Variants in SCN8A observed in about 807,000 individuals in gnomAD.
The protein encoded by SCN8A is sodium channel protein type 8 subunit alpha.
Under a neutral mutation model 184.1 loss-of-function variants are expected in SCN8A, and 30 were observed. The observed-to-expected ratio is 0.16, with a 90% confidence interval of 0.12 to 0.22. The LOEUF is 0.22. Among genes scored for constraint, SCN8A ranks in the 10% least tolerant of loss-of-function variants. SCN8A has a pLI of 1.00. For synonymous variants in SCN8A, 852 were observed against 907.0 expected, an observed-to-expected ratio of 0.94 and a Z score of 1.09; for missense variants, 1,057 against 2,498.9, an observed-to-expected ratio of 0.42 and a Z score of 12.30.
In SCN8A at chr12:51,738,242, G is replaced by A. The variant is rs141470132; in HGVS notation, c.1999-7661G>A. ...TATAATTGTTCTGGAATTAGAACTT[G>A]TGCTCCCCATTGTTGTAATAAATCT... On this transcript the variant is annotated intron_variant, in intron 12 of 26. Coordinates refer to ENST00000627620, the MANE Select transcript of SCN8A (RefSeq NM_001330260.2). Among the ~76,000 whole-genome samples the A allele has an allele frequency of 6.3e-3, 953 of 152,206 alleles. 8 individuals carry two copies. The highest frequency in any genetic ancestry group is 0.02 in the African/African-American group (823 of 41,510).
intron 11 of SCN8A, chr12:51,712,452 T>C: frequency 1.3e-6 from 1 of 767,088 alleles, no homozygotes; most frequent in Non-Finnish European, 2.4e-6. Flanking sequence ...GTAGCCCTTT[T>C]CTGCTGTTTT....
intron 26 of SCN8A, among the ~76,000 whole-genome samples, chr12:51,801,429 G>T (rs141114786): frequency 2.6e-4 from 40 of 152,270 alleles, no homozygotes; most frequent in Non-Finnish European, 5.1e-4. Context: ...TACCAGTTGG[G>T]ATGAGTAGGT....
intron 1 of SCN8A, among the ~76,000 whole-genome samples, chr12:51,641,109 C>A (rs1210423717): frequency 1.3e-5 from 2 of 152,130 alleles, no homozygotes; most frequent in African/African-American, 4.8e-5. Flanking sequence ...AGAGAAAAAA[C>A]AGTAAACATA....
At chr12:51,612,021 C>CT (rs1200303126) in intron 1 of SCN8A, among the ~76,000 whole-genome samples, 1 of 151,998 alleles carries the variant, frequency 6.6e-6, no homozygotes, top group Non-Finnish European at 1.5e-5. Context: ...TTCTTTGTTT[C>CT]TTTTTTCCCC....
chr12:51,697,349 A>G (rs527344685), intron 6 of SCN8A, among the ~76,000 whole-genome samples: 2 of 152,270 alleles, frequency 1.3e-5, no homozygotes, highest in African/African-American at 4.8e-5. Context: ...ATATTTGTGT[A>G]AGAGGAGAGA....
At chr12:51,694,320 G>T (rs566243114) in intron 6 of SCN8A, among the ~76,000 whole-genome samples, 1 of 152,216 alleles carries the variant, frequency 6.6e-6, no homozygotes, top group African/African-American at 2.4e-5. Context: ...ATAGCACATA[G>T]GCAGGCATTG....
chr12:51,765,659 T>TA lies in SCN8A; in HGVS notation c.2545-12_2545-11insA. The TA allele has an allele frequency of 3.3e-6, 5 of 1,498,054 alleles. No individual in the cohort carries two copies. The highest frequency in any genetic ancestry group is 4.5e-6 in the Non-Finnish European group (5 of 1,118,424). 92.8% of individuals were successfully genotyped at this position (1,498,054 alleles called of 1,614,324 possible). The stretch of plus-strand genomic sequence containing the variant: ...TCATTTATTTTTTTGTTTGGGTTTT[T>TA]TTTTTCCTTAGCTCCGAGTCTTCAA... On this transcript the variant is annotated splice_polypyrimidine_tract_variant and intron_variant, in intron 15 of 26. Coordinates refer to ENST00000627620, the MANE Select transcript of SCN8A (RefSeq NM_001330260.2).
intron 3 of SCN8A, among the ~76,000 whole-genome samples, chr12:51,686,008 A>G (rs981760335): frequency 6.6e-6 from 1 of 152,212 alleles, no homozygotes; most frequent in African/African-American, 2.4e-5. Flanking sequence ...TTATCTGACA[A>G]CTTTGGTTGA....
chr12:51,741,798 C>G (rs1217044384), intron 12 of SCN8A, among the ~76,000 whole-genome samples: 1 of 151,064 alleles, frequency 6.6e-6, no homozygotes, highest in African/African-American at 2.4e-5. Context: ...GCAACCTCCA[C>G]CTCCTAAGTG....
chr12:51,604,307 A>G (rs1939534950), intron 1 of SCN8A, among the ~76,000 whole-genome samples: 1 of 152,108 alleles, frequency 6.6e-6, no homozygotes, highest in South Asian at 2.1e-4. Context: ...TTTGAGCACC[A>G]TTGTTGTTCA....
At chr12:51,602,963 A>G (rs1300815262) in intron 1 of SCN8A, among the ~76,000 whole-genome samples, 2 of 152,226 alleles carry the variant, frequency 1.3e-5, no homozygotes, top group Admixed American at 1.3e-4. Context: ...TACCCAAGAT[A>G]GTATTTCATT....
chr12:51,599,479 G>A (rs1033987476), intron 1 of SCN8A, among the ~76,000 whole-genome samples: 1 of 152,214 alleles, frequency 6.6e-6, no homozygotes, highest in Non-Finnish European at 1.5e-5. Flanking sequence ...AATGTACAAA[G>A]TGTTTTGGGG....
At chr12:51,613,172 T>C (rs564889249) in intron 1 of SCN8A, among the ~76,000 whole-genome samples, 5 of 152,322 alleles carry the variant, frequency 3.3e-5, no homozygotes, top group African/African-American at 1.2e-4. Context: ...TATGTTCCCT[T>C]TAACATTAAA....
At chr12:51,594,806 A>C (rs938734295) in intron 1 of SCN8A, among the ~76,000 whole-genome samples, 2 of 151,912 alleles carry the variant, frequency 1.3e-5, no homozygotes, top group African/African-American at 4.8e-5. Flanking sequence ...TTTTTCCCAT[A>C]GAGAGGGAAA....
chr12:51,759,666 G>C (rs1942733604), intron 14 of SCN8A, among the ~76,000 whole-genome samples: 1 of 152,158 alleles, frequency 6.6e-6, no homozygotes, highest in Non-Finnish European at 1.5e-5. Flanking sequence ...GGGCCTTAGG[G>C]ACTCTAAGGA....
intron 12 of SCN8A, among the ~76,000 whole-genome samples, chr12:51,745,618 A>C (rs1471871377): frequency 2.0e-5 from 3 of 152,118 alleles, no homozygotes; most frequent in Non-Finnish European, 2.9e-5. Flanking sequence ...TGGTCTTTCT[A>C]CTCTATGCTT....
chr12:51,618,809 C>T (rs1592332601), intron 1 of SCN8A, among the ~76,000 whole-genome samples: 2 of 152,098 alleles, frequency 1.3e-5, no homozygotes, highest in South Asian at 2.1e-4. Context: ...ATTGACAGGC[C>T]TCGAGGTCCT....
intron 1 of SCN8A, among the ~76,000 whole-genome samples, chr12:51,620,521 G>A (rs1939937109): frequency 6.6e-6 from 1 of 151,934 alleles, no homozygotes; most frequent in Admixed American, 6.6e-5. Flanking sequence ...GGATGAGCAC[G>A]TATTAGTTTG....
At chr12:51,720,140 A>C (rs1211056203) in intron 11 of SCN8A, among the ~76,000 whole-genome samples, 2 of 151,284 alleles carry the variant, frequency 1.3e-5, no homozygotes, top group Non-Finnish European at 2.9e-5. Flanking sequence ...TACGGTAAAC[A>C]AGAGTTTTAT....
Sources: allele counts gnomAD v4.1 joint callset (sites outside exome capture counted in the v4.1 genomes callset), GRCh38; gene constraint gnomAD v4.1.1; transcripts MANE v1.5; gene names NCBI Gene and HGNC (gene_info 2026-07-23, HGNC 2026-07-21).